The following WFIKKN2 variants were observed in gnomAD, a reference collection of about 807,000 sequenced individuals.
The protein encoded by WFIKKN2 is WAP, follistatin/kazal, immunoglobulin, kunitz and netrin domain containing 2.
In WFIKKN2, 25 loss-of-function variants were observed where a neutral mutation model predicts 39.2. The observed-to-expected ratio is 0.64, with a 90% CI of 0.47 to 0.89. WFIKKN2 has a LOEUF of 0.89. Among genes scored for constraint, WFIKKN2 ranks in the 40% least tolerant of loss-of-function variants. The pLI is 0.00. For synonymous variants in WFIKKN2, 345 were observed against 329.7 expected (o/e 1.05, Z -0.50); for missense variants, 770 against 811.7 (o/e 0.95, Z 0.62).
Position 50,841,030 on chromosome 17 carries a change from C to G in WFIKKN2, c.*11C>G. 6.6e-7 allele frequency: 1 copy of G among 1,518,290 alleles called. No individual in the cohort carries two copies. The highest frequency in any genetic ancestry group is 8.8e-7 in the Non-Finnish European group (1 of 1,133,926). The allele number at this position is 1,518,290 out of a possible 1,614,324, so 94.1% of individuals were successfully genotyped here. ...CTTGGCTTGCACTGAAGCCCCCCAC[C>G]CCTCCCTGCCCCCTCCCTGGCCTTC... On this transcript the variant is annotated 3_prime_UTR_variant, in exon 2 of 2. Coordinates refer to ENST00000311378, the MANE Select transcript of WFIKKN2 (RefSeq NM_175575.6).
At chr17:50,838,107 C>T (rs1971982685) in intron 1 of WFIKKN2, among the ~76,000 whole-genome samples, 1 of 152,120 alleles carries the variant, frequency 6.6e-6, no homozygotes, top group Non-Finnish European at 1.5e-5. Flanking sequence ...GGATGAGGCT[C>T]AGGCCAAGGA....
rs779916289 is a variant in WFIKKN2, at chr17:50,835,796, GAGCAGCCTGAGC to G, written c.-127_-116del. The G allele has an allele frequency of 3.1e-4, 274 of 880,326 alleles. No homozygotes were observed. The highest frequency in any genetic ancestry group is 2.9e-4 in the South Asian group (16 of 55,434). The allele number at this position is 880,326 out of a possible 1,614,324, so 54.5% of individuals were successfully genotyped here. A position where few individuals can be genotyped will look rare whatever the true frequency, so the allele number is the denominator to read the frequency against. On this transcript the variant is annotated 5_prime_UTR_variant, in exon 1 of 2. Transcript: ENST00000311378. ...TGACTTGGTGGAGGCAGCAGCGGCA[GAGCAGCCTGAGC>G]AGCAGCCTGAGCAGGAAACCTGCTG... is the stretch of plus-strand genomic sequence containing the variant.
upstream of WFIKKN2, chr17:50,835,182 C>G (rs572055887): frequency 6.6e-6 from 1 of 152,352 alleles, no homozygotes; most frequent in African/African-American, 2.4e-5. Context: ...CAGGGCACAG[C>G]GCGGCGCAGG....
chr17:50,840,534 T>C lies in WFIKKN2; in HGVS notation c.1246T>C (p.Tyr416His), dbSNP rs376269773. 3.7e-6 allele frequency: 6 copies of C among 1,613,902 alleles called. No homozygotes were observed. In the African/African-American group the frequency reaches 8.0e-5, roughly 22 times the overall value. ...GACGGGCCAGTGCCAGTCCTTTGTC[T>C]ATGGTGGCTGCGAGGGCAATGGCAA... ...SQTGQCQSFVYGGCEGNGNNF... is the reference protein window; with the variant it reads ...SQTGQCQSFVHGGCEGNGNNF... The change falls in exon 2 of 2, where the codon TAT becomes CAT. Residue 416 changes from tyrosine to histidine, a missense_variant. Transcript: ENST00000311378.
chr17:50,839,065 T>C (rs937333222), intron 1 of WFIKKN2, among the ~76,000 whole-genome samples: 5 of 152,238 alleles, frequency 3.3e-5, no homozygotes, highest in Admixed American at 3.3e-4. Context: ...TGGAGCCTTG[T>C]TCTGCCACTT....
In WFIKKN2 at chr17:50,835,934, CA is replaced by C. The variant is rs1567906289; in HGVS notation, c.-3del. ...GGAGGTCTCTAGCCGCCCCAGCCTG[CA>C]CCATGTGGGCCCCAAGGTGTCGCCG... On this transcript the variant is annotated 5_prime_UTR_variant, in exon 1 of 2. Transcript: ENST00000311378. 1 of 1,610,400 alleles carries C rather than the reference CA, an allele frequency of 6.2e-7. No individual in the cohort carries two copies. The highest frequency in any genetic ancestry group is 2.2e-5 in the East Asian group (1 of 44,778).
intron 1 of WFIKKN2, among the ~76,000 whole-genome samples, chr17:50,837,484 T>G (rs1971974410): frequency 6.6e-6 from 1 of 151,870 alleles, no homozygotes; most frequent in African/African-American, 2.4e-5. Context: ...GCCCACCCCC[T>G]CTGGGGCAAC....
In WFIKKN2 at chr17:50,841,060, A is replaced by C. The variant is rs768901096; in HGVS notation, c.*41A>C. 1 of 1,410,830 alleles carries C rather than the reference A, an allele frequency of 7.1e-7. No individual in the cohort carries two copies. 87.4% of individuals were successfully genotyped at this position (1,410,830 alleles called of 1,614,324 possible). Reference sequence around the variant, plus strand: ...CCTGCCCCCTCCCTGGCCTTCTTCCACCTATCCACCCCAATGCCTCTCAGC... The same window carrying C: ...CCTGCCCCCTCCCTGGCCTTCTTCCCCCTATCCACCCCAATGCCTCTCAGC... On this transcript the variant is annotated 3_prime_UTR_variant, in exon 2 of 2. Coordinates refer to ENST00000311378, the MANE Select transcript of WFIKKN2 (RefSeq NM_175575.6).
intron 1 of WFIKKN2, among the ~76,000 whole-genome samples, chr17:50,837,949 A>G (rs569886474): frequency 1.0e-3 from 153 of 152,310 alleles, no homozygotes; most frequent in Non-Finnish European, 1.9e-3. Context: ...CTGGGTATCC[A>G]GACAGCCCTT....
chr17:50,840,221 A>C lies in WFIKKN2; in HGVS notation c.933A>C (p.Ala311=). 1 of 1,613,902 alleles carries C rather than the reference A, an allele frequency of 6.2e-7. No homozygotes were observed. The highest frequency in any genetic ancestry group is 1.7e-4 in the Middle Eastern group (1 of 6,060). The change falls in exon 2 of 2, where the codon GCA becomes GCC. Residue 311 remains alanine (A), a synonymous_variant. Transcript: ENST00000311378. ...PLSVVRGHQA[A]ATSESSPNGT... ...CGGTGGTCAGGGGTCATCAGGCTGC[A>C]GCCACCTCAGAGAGCAGCCCCAATG...
chr17:50,838,165 G>A (rs146417499), intron 1 of WFIKKN2, among the ~76,000 whole-genome samples: 8 of 152,246 alleles, frequency 5.3e-5, no homozygotes, highest in African/African-American at 1.7e-4. Flanking sequence ...ATTCCCTGCG[G>A]GGTCTCTCTC....
Position 50,840,857 on chromosome 17 carries a change from C to A in WFIKKN2, c.1569C>A (p.Ser523Arg). 6.2e-7 allele frequency: 1 copy of A among 1,610,558 alleles called. No homozygotes were observed. The highest frequency in any genetic ancestry group is 2.2e-5 in the East Asian group (1 of 44,738). The change falls in exon 2 of 2, where the codon AGC becomes AGA. Residue 523 changes from serine to arginine, a missense_variant. Coordinates refer to ENST00000311378, the MANE Select transcript of WFIKKN2 (RefSeq NM_175575.6). The stretch of plus-strand genomic sequence containing the variant: ...GCCCCTGCCCCAACGTGACCGTGAG[C>A]GAGATGCCGCTCATCATCATGGGGG... ...WACPCPNVTV[S>R]EMPLIIMGEV... is the part of the protein sequence containing the mutation.
upstream of WFIKKN2, chr17:50,835,084 GAC>G (rs1971937452): frequency 6.6e-6 from 1 of 152,240 alleles, no homozygotes; most frequent in Non-Finnish European, 1.5e-5. Context: ...TGGAACTTAA[GAC>G]GCAAACTGCC....
Position 50,841,067 on chromosome 17 carries a change from C to T in WFIKKN2, c.*48C>T, listed in dbSNP as rs1451443245. On this transcript the variant is annotated 3_prime_UTR_variant, in exon 2 of 2. Coordinates refer to ENST00000311378, the MANE Select transcript of WFIKKN2 (RefSeq NM_175575.6). ...CCTCCCTGGCCTTCTTCCACCTATC[C>T]ACCCCAATGCCTCTCAGCAAACTGG... The T allele has an allele frequency of 6.7e-7, 1 of 1,486,978 alleles. No homozygotes were observed. Among genetic ancestry groups the T allele is most frequent in the African/African-American group, 1.4e-5 (1 of 70,912 alleles). 92.1% of individuals were successfully genotyped at this position (1,486,978 alleles called of 1,614,324 possible).
upstream of WFIKKN2, among the ~76,000 whole-genome samples, chr17:50,835,184 C>T (rs1470357918): frequency 1.3e-5 from 2 of 152,242 alleles, no homozygotes; most frequent in African/African-American, 2.4e-5. Flanking sequence ...GGGCACAGCG[C>T]GGCGCAGGCC....
chr17:50,839,552 C>G lies in WFIKKN2; in HGVS notation c.264C>G (p.Cys88Trp). The G allele has an allele frequency of 1.9e-6, 3 of 1,614,120 alleles. No homozygotes were observed. Among genetic ancestry groups the G allele is most frequent in the Non-Finnish European group, 2.5e-6 (3 of 1,180,004 alleles). The change falls in exon 2 of 2, where the codon TGC (cysteine) becomes TGG (tryptophan). Residue 88 changes from cysteine (C) to tryptophan (W), a missense_variant. By Grantham distance (215) the Cys-to-Trp change is radical (BLOSUM62 -2). Coordinates refer to ENST00000311378, the MANE Select transcript of WFIKKN2 (RefSeq NM_175575.6). ...CCAACGTATGTGGGACCAAGAGCTG[C>G]GTGGCGGCCCGCTACATGGACGTGA... ...CCPNVCGTKSCVAARYMDVKG... is the reference protein window; with the variant it reads ...CCPNVCGTKSWVAARYMDVKG...
chr17:50,835,178 A>G (rs755379436), upstream of WFIKKN2: 1 of 152,342 alleles, frequency 6.6e-6, no homozygotes, highest in Non-Finnish European at 1.5e-5. Flanking sequence ...CTTACAGGGC[A>G]CAGCGCGGCG....
intron 1 of WFIKKN2, among the ~76,000 whole-genome samples, chr17:50,837,851 A>G (rs1483034538): frequency 6.6e-6 from 1 of 152,246 alleles, no homozygotes; most frequent in East Asian, 1.9e-4. Flanking sequence ...TTGCAGGCAC[A>G]GGCTGGCCTG....
chr17:50,837,599 G>T (rs545975669), intron 1 of WFIKKN2, among the ~76,000 whole-genome samples: 53 of 152,358 alleles, frequency 3.5e-4, no homozygotes, highest in African/African-American at 1.2e-3. Context: ...CCAGGCTGGG[G>T]CATCCCCAGG....
Sources: gnomAD v4.1 joint callset for allele counts (sites outside exome capture counted in the v4.1 genomes callset) on GRCh38, gnomAD v4.1.1 for gene constraint, MANE v1.5 for transcripts, NCBI Gene and HGNC (gene_info 2026-07-23, HGNC 2026-07-21) for gene names.